Variants in SIK2 observed in about 807,000 individuals in gnomAD.
The protein encoded by SIK2 is salt inducible kinase 2, also known as serine/threonine-protein kinase SIK2.
A neutral mutation model predicts 103.2 loss-of-function variants in SIK2; 29 were observed. The ratio of observed to expected loss-of-function variants is 0.28; its 90% CI spans 0.21 to 0.38. The LOEUF is 0.38. Among genes scored for constraint, SIK2 ranks in the 10% least tolerant of loss-of-function variants. The probability of loss-of-function intolerance (pLI) is 1.00; values close to 1 mark genes in which losing one functional copy is unlikely to be tolerated. For missense variants in SIK2, 879 were observed against 1,171.0 expected (o/e 0.75, Z 3.64); for synonymous variants, 412 against 446.1 (o/e 0.92, Z 0.96).
chr11:111,708,651 ACAGCTCACTTTAGCCTC>A (rs780292036), intron 8 of SIK2, among the ~76,000 whole-genome samples: 5 of 152,098 alleles, frequency 3.3e-5, no homozygotes, highest in Non-Finnish European at 7.4e-5. Context: ...AGTGGCAATC[ACAGCTCACTTTAGCCTC>A]AACCTCCTGG....
chr11:111,693,393 T>A (rs1942996665), intron 4 of SIK2, among the ~76,000 whole-genome samples: 1 of 151,768 alleles, frequency 6.6e-6, no homozygotes, highest in Non-Finnish European at 1.5e-5. Flanking sequence ...CAGTGTGTAC[T>A]CATTGCCTCA....
chr11:111,615,288 TA>T (rs372263613), intron 1 of SIK2, among the ~76,000 whole-genome samples: 5,033 of 134,246 alleles, frequency 0.037, 149 homozygotes, highest in Admixed American at 0.094. Context: ...CCATCTGCAT[TA>T]AAAAAAAAAA....
intron 9 of SIK2, chr11:111,718,779 AC>A (rs1387289493): frequency 2.0e-5 from 3 of 152,142 alleles, no homozygotes; most frequent in African/African-American, 7.2e-5. Flanking sequence ...ACTGCTTAGA[AC>A]TCAGCGTCTT....
At chr11:111,649,747 G>T (rs1372868824) in intron 3 of SIK2, among the ~76,000 whole-genome samples, 1 of 152,148 alleles carries the variant, frequency 6.6e-6, no homozygotes, top group East Asian at 1.9e-4. Context: ...CAGAGTCTCT[G>T]TGATGGCATA....
chr11:111,710,036 A>T (rs986049160), intron 8 of SIK2, among the ~76,000 whole-genome samples: 5 of 152,242 alleles, frequency 3.3e-5, no homozygotes, highest in African/African-American at 1.2e-4. Flanking sequence ...GACTACCTTC[A>T]TAGAGAAGGA....
intron 3 of SIK2, among the ~76,000 whole-genome samples, chr11:111,673,070 C>A (rs1942651213): frequency 6.6e-6 from 1 of 152,170 alleles, no homozygotes; most frequent in South Asian, 2.1e-4. Flanking sequence ...ACTTAAACCA[C>A]CTGGAGACAT....
At chr11:111,646,150 A>G (rs912282478) in intron 3 of SIK2, among the ~76,000 whole-genome samples, 1 of 152,018 alleles carries the variant, frequency 6.6e-6, no homozygotes, top group East Asian at 1.9e-4. Flanking sequence ...TAAACTATGC[A>G]TTTAAAGTAC....
At position 111,703,213 on chromosome 11, in the gene SIK2, C is replaced by T. The variant is rs1263478208; in HGVS notation, c.738C>T (p.His246=). ...IPYFMSEDCE[H]LIRRMLVLDP... ...TTGTGTTTTCTATAGATTGCGAGCA[C>T]CTTATCCGAAGGATGTTGGTCCTAG... is the stretch of plus-strand genomic sequence containing the variant. The change falls in exon 7 of 15, where the codon CAC becomes CAT. Residue 246 remains histidine, a synonymous_variant. Coordinates refer to ENST00000304987, the MANE Select transcript of SIK2 (RefSeq NM_015191.3). 1.9e-6 allele frequency: 3 copies of T among 1,613,940 alleles called. No individual in the cohort carries two copies. The African/African-American group carries it at 4.0e-5, about 22-fold the overall frequency.
At chr11:111,621,232 CA>C (rs1941881252) in intron 3 of SIK2, among the ~76,000 whole-genome samples, 1 of 152,152 alleles carries the variant, frequency 6.6e-6, no homozygotes, top group Admixed American at 6.5e-5. Context: ...TCTTTTGCCC[CA>C]TCTGACACCC....
At chr11:111,615,658 C>T (rs980404443) in intron 1 of SIK2, among the ~76,000 whole-genome samples, 1 of 152,118 alleles carries the variant, frequency 6.6e-6, no homozygotes, top group Non-Finnish European at 1.5e-5. Context: ...AAATAAAATT[C>T]CTTTTACAAA....
intron 3 of SIK2, chr11:111,672,251 C>A: frequency 2.8e-6 from 1 of 357,588 alleles, no homozygotes; most frequent in Non-Finnish European, 5.2e-6. Flanking sequence ...TATGCTGGCA[C>A]TTAGGCCACC....
chr11:111,709,212 T>C (rs1222863063), intron 8 of SIK2, among the ~76,000 whole-genome samples: 1 of 152,224 alleles, frequency 6.6e-6, no homozygotes, highest in East Asian at 1.9e-4. Flanking sequence ...CTTTTTTCTC[T>C]GCGCAAGTGT....
intron 3 of SIK2, among the ~76,000 whole-genome samples, chr11:111,630,430 A>G (rs1372393853): frequency 2.0e-5 from 3 of 152,154 alleles, no homozygotes; most frequent in Non-Finnish European, 4.4e-5. Context: ...TACCTCATAT[A>G]GTTAACCATC....
chr11:111,648,519 T>C (rs1326903812), intron 3 of SIK2, among the ~76,000 whole-genome samples: 1 of 152,058 alleles, frequency 6.6e-6, no homozygotes, highest in Non-Finnish European at 1.5e-5. Context: ...CCTCCTAATA[T>C]ATCACATCAG....
chr11:111,670,731 A>C lies in SIK2; in HGVS notation c.317-17270A>C, dbSNP rs561039656. On this transcript the variant is annotated intron_variant, in intron 3 of 14. Transcript: ENST00000304987. ...TTCCTTTTTGATGGTTGGCAGAGCT[A>C]GCTGGGGCTTTATTTTGGAAAAAAA... Among the ~76,000 whole-genome samples, 169 of 152,366 alleles carry C rather than the reference A, an allele frequency of 1.1e-3. 1 individual carries two copies. Among genetic ancestry groups the C allele is most frequent in the African/African-American group, 3.9e-3 (161 of 41,588 alleles).
intron 3 of SIK2, among the ~76,000 whole-genome samples, chr11:111,676,813 T>G (rs998965431): frequency 1.2e-4 from 18 of 152,250 alleles, no homozygotes; most frequent in Non-Finnish European, 2.5e-4. Flanking sequence ...AATCATAGTC[T>G]GTTCTTTAGA....
At chr11:111,689,962 T>A (rs945407227) in intron 4 of SIK2, among the ~76,000 whole-genome samples, 5 of 148,640 alleles carry the variant, frequency 3.4e-5, no homozygotes, top group African/African-American at 1.3e-4. Context: ...TTTGTTATAT[T>A]CATTTGTGTG....
chr11:111,615,556 C>T (rs185631704), intron 1 of SIK2, among the ~76,000 whole-genome samples: 194 of 152,204 alleles, frequency 1.3e-3, no homozygotes, highest in Non-Finnish European at 2.4e-3. Flanking sequence ...CCTACCTAGT[C>T]ATTCACCTTC....
At chr11:111,668,323 A>G (rs1219760679) in intron 3 of SIK2, among the ~76,000 whole-genome samples, 1 of 152,228 alleles carries the variant, frequency 6.6e-6, no homozygotes, top group Non-Finnish European at 1.5e-5. Context: ...TAGTATGATT[A>G]TATGCCATAA....
Sources: gnomAD v4.1 joint callset for allele counts (sites outside exome capture counted in the v4.1 genomes callset) on GRCh38, gnomAD v4.1.1 for gene constraint, MANE v1.5 for transcripts, NCBI Gene and HGNC (gene_info 2026-07-23, HGNC 2026-07-21) for gene names.